The following AP2S1 variants were observed in gnomAD, a reference collection of about 807,000 sequenced individuals.
The protein encoded by AP2S1 is AP-2 complex subunit sigma.
In AP2S1, 6 loss-of-function variants were observed where a neutral mutation model predicts 21.0. That is an observed-to-expected ratio of 0.29 (90% CI 0.16 to 0.56). The LOEUF is 0.56. AP2S1 is among the 20% of genes least tolerant of loss of function. The pLI is 0.92. For missense variants in AP2S1, 60 were observed against 186.2 expected (o/e 0.32, Z 3.95); for synonymous variants, 63 against 74.6 (o/e 0.84, Z 0.80).
chr19:46,849,997 C>T (rs1199533455), intron 1 of AP2S1: 18 of 774,764 alleles, frequency 2.3e-5, no homozygotes. Flanking sequence ...ACTCCTAAAT[C>T]CAATGTTGAG....
In AP2S1 at chr19:46,839,497, C is replaced by T; in HGVS notation, c.235G>A (p.Ala79Thr). ...ICVDVNDNNL[A>T]YLEAIHNFVE... The stretch of plus-strand genomic sequence containing the variant: ...AAGTTGTGAATGGCCTCCAGGTAAG[C>T]CAGGTTGTTGTCATTGACATCCACA... Residue 79 changes from alanine to threonine, a missense_variant, in exon 3 of 5, where the codon GCT (alanine) becomes ACT (threonine). Physicochemically the swap from Ala to Thr is moderately conservative, Grantham distance 58. Transcript: ENST00000263270. 1 of 1,607,918 alleles carries T rather than the reference C, an allele frequency of 6.2e-7. No individual in the cohort carries two copies. The highest frequency in any genetic ancestry group is 8.5e-7 in the Non-Finnish European group (1 of 1,176,300).
rs941012252 is a variant in AP2S1 at position 46,838,684 on chromosome 19, G to T, written c.327+56C>A. 8.8e-6 allele frequency: 14 copies of T among 1,596,898 alleles called. No homozygotes were observed. Among genetic ancestry groups the T allele is most frequent in the Non-Finnish European group, 1.0e-5 (12 of 1,165,514 alleles). ...GCTCCGGGTGGCTAGTGCACCACGG[G>T]TCCCCCCCGTCCCCCTCCTCTGGCT... is the stretch of plus-strand genomic sequence containing the variant. On this transcript the variant is annotated intron_variant, in intron 4 of 4. Coordinates refer to ENST00000263270, the MANE Select transcript of AP2S1 (RefSeq NM_004069.6). This position sits in a 1 kb window ranked among gnomAD's most constrained non-coding sequence, Gnocchi z 4.1.
chr19:46,839,286 C>CAAAAAAAAAAA lies in AP2S1; in HGVS notation c.267+168_267+178dup, dbSNP rs771792607. On this transcript the variant is annotated intron_variant, in intron 3 of 4. Transcript: ENST00000263270. ...TGGGCGACAGAACAAGACTCCGTCT[C>CAAAAAAAAAAA]AAAAAAAAAAAAAAAAAAAAAAAAA... is the stretch of plus-strand genomic sequence containing the variant. Among the ~76,000 whole-genome samples, 43 of 72,922 alleles carry CAAAAAAAAAAA rather than the reference C, an allele frequency of 5.9e-4. 1 individual carries two copies. Among genetic ancestry groups the CAAAAAAAAAAA allele is most frequent in the African/African-American group, 1.9e-3 (38 of 19,770 alleles). 47.8% of individuals were successfully genotyped at this position (72,922 alleles called of 152,430 possible).
Position 46,843,078 on chromosome 19 carries a change from C to A in AP2S1, c.153+2915G>T, listed in dbSNP as rs986315693. Among the ~76,000 whole-genome samples, 6 of 152,320 alleles carry A rather than the reference C, an allele frequency of 3.9e-5. 1 individual carries two copies. Among genetic ancestry groups the A allele is most frequent in the African/African-American group, 1.4e-4 (6 of 41,582 alleles). Reference sequence around the variant, plus strand: ...CCTCCTGATCTTCACCTCCGCCTGCCCTTCCCATCTGCCCATATCAGATAA... The same window carrying A: ...CCTCCTGATCTTCACCTCCGCCTGCACTTCCCATCTGCCCATATCAGATAA... On this transcript the variant is annotated intron_variant, in intron 2 of 4. Transcript: ENST00000263270.
At chr19:46,847,274 C>A (rs2055652966) in intron 1 of AP2S1, among the ~76,000 whole-genome samples, 1 of 150,602 alleles carries the variant, frequency 6.6e-6, no homozygotes, top group Non-Finnish European at 1.5e-5. Flanking sequence ...AGCTCTGTTG[C>A]CCAGGCTAGA....
intron 2 of AP2S1, among the ~76,000 whole-genome samples, chr19:46,843,572 A>G (rs1326899270): frequency 6.6e-6 from 1 of 152,058 alleles, no homozygotes; most frequent in Non-Finnish European, 1.5e-5. Flanking sequence ...AAATACAAAA[A>G]TTAGTACGGC....
At chr19:46,841,845 C>T (rs1455743657) in intron 2 of AP2S1, among the ~76,000 whole-genome samples, 1 of 152,202 alleles carries the variant, frequency 6.6e-6, no homozygotes, top group Non-Finnish European at 1.5e-5. Flanking sequence ...CCAATGTCCT[C>T]ACTGGGCTGC....
At chr19:46,841,297 T>TA (rs2055516811) in intron 2 of AP2S1, among the ~76,000 whole-genome samples, 1 of 152,166 alleles carries the variant, frequency 6.6e-6, no homozygotes, top group South Asian at 2.1e-4. Context: ...AATCCACGGG[T>TA]AAATGAGCTG....
chr19:46,839,319 AAAAAG>A (rs2055472441), intron 3 of AP2S1, 141 bp downstream of exon 3: 21 of 677,080 alleles, frequency 3.1e-5, no homozygotes, highest in Admixed American at 6.0e-5. Context: ...AAAAAAAAAG[AAAAAG>A]AAAAAAAAGA....
intron 2 of AP2S1, 161 bp from the exon 3 acceptor site, chr19:46,839,739 A>C: frequency 8.0e-7 from 1 of 1,248,536 alleles, no homozygotes; most frequent in Non-Finnish European, 1.1e-6. Flanking sequence ...AGACAGCCCT[A>C]ACCCTGCTCA....
At chr19:46,847,240 T>C (rs1171221327) in intron 1 of AP2S1, among the ~76,000 whole-genome samples, 1 of 151,972 alleles carries the variant, frequency 6.6e-6, no homozygotes, top group Non-Finnish European at 1.5e-5. Flanking sequence ...CACCACTTTT[T>C]TTTTTTTTTT....
In AP2S1 at chr19:46,839,431, C is replaced by T. The variant is rs541674175; in HGVS notation, c.267+34G>A. ...GGGGGCCACTCCAGGGCTGCCCACC[C>T]GCCTCCCCACCTTACATCCCTCTCC... On this transcript the variant is annotated intron_variant, in intron 3 of 4. Transcript: ENST00000263270. 3.5e-5 allele frequency: 51 copies of T among 1,477,010 alleles called. No individual in the cohort carries two copies. The South Asian group carries it at 3.5e-4, about 10-fold the overall frequency. The allele number at this position is 1,477,010 out of a possible 1,614,324, so 91.5% of individuals were successfully genotyped here. A position where few individuals can be genotyped will look rare whatever the true frequency, so the allele number is the denominator to read the frequency against.
At chr19:46,839,424 G>GGGC in intron 3 of AP2S1, 41 bp downstream of exon 3, 47 of 1,504,316 alleles carry the variant, frequency 3.1e-5, no homozygotes, top group Non-Finnish European at 3.9e-5. Flanking sequence ...CTCCAGGGCT[G>GGGC]CCCACCCGCC....
chr19:46,846,670 T>C (rs1359046382), intron 1 of AP2S1, among the ~76,000 whole-genome samples: 141 of 152,168 alleles, frequency 9.3e-4, no homozygotes, highest in Non-Finnish European at 2.8e-4. Flanking sequence ...TATTTTTTGT[T>C]ATTTTTAAAT....
At chr19:46,839,387 G>A (rs2055474097) in intron 3 of AP2S1, 78 bp downstream of exon 3, 2 of 1,530,108 alleles carry the variant, frequency 1.3e-6, no homozygotes, top group Admixed American at 1.7e-5. Context: ...GGAGGGACCA[G>A]GGAGGGTTCC....
At chr19:46,840,864 C>T (rs139563170) in intron 2 of AP2S1, among the ~76,000 whole-genome samples, 2,110 of 149,010 alleles carry the variant, frequency 0.014, 61 homozygotes, top group African/African-American at 0.049. Context: ...ATTACAGGCG[C>T]GCCACCACAC....
intron 1 of AP2S1, among the ~76,000 whole-genome samples, chr19:46,849,179 T>C (rs2055690325): frequency 6.6e-6 from 1 of 151,572 alleles, no homozygotes; most frequent in South Asian, 2.1e-4. Flanking sequence ...CTTATTTTTG[T>C]ATTTTTAGTA....
At position 46,838,440 on chromosome 19, in the gene AP2S1, C is replaced by T. The variant is rs1303538364; in HGVS notation, c.*7G>A. ...GGGGCCGGGGCCGGGGTGGGGCTCG[C>T]CTGCCCTCACTCCAGGGACTGTAGC... is the stretch of plus-strand genomic sequence containing the variant. On this transcript the variant is annotated 3_prime_UTR_variant, in exon 5 of 5. Coordinates refer to ENST00000263270, the MANE Select transcript of AP2S1 (RefSeq NM_004069.6). This position sits in a 1 kb window ranked among gnomAD's most constrained non-coding sequence, Gnocchi z 4.1. 6 of 1,613,870 alleles carry T rather than the reference C, an allele frequency of 3.7e-6. No homozygotes were observed. Among genetic ancestry groups the T allele is most frequent in the Non-Finnish European group, 5.1e-6 (6 of 1,179,972 alleles).
At chr19:46,844,707 G>T (rs1481239221) in intron 2 of AP2S1, among the ~76,000 whole-genome samples, 1 of 152,188 alleles carries the variant, frequency 6.6e-6, no homozygotes, top group Non-Finnish European at 1.5e-5. Context: ...GGCTGAGGTG[G>T]GAGGGTAGCT....
Sources: allele counts gnomAD v4.1 joint callset (sites outside exome capture counted in the v4.1 genomes callset), GRCh38; gene constraint gnomAD v4.1.1; non-coding constraint Gnocchi (gnomAD v3.1); transcripts MANE v1.5; gene names NCBI Gene and HGNC (gene_info 2026-07-23, HGNC 2026-07-21).